Variants in CDH13 observed in about 807,000 individuals in gnomAD.
CDH13 encodes cadherin 13.
CDH13 carries 24 observed loss-of-function variants against 63.8 expected under a neutral mutation model. The ratio of observed to expected loss-of-function variants is 0.38; its 90% CI spans 0.27 to 0.53. The LOEUF (loss-of-function observed/expected upper bound fraction) is 0.53. CDH13 is among the 20% of genes least tolerant of loss of function. CDH13 has a pLI of 0.85. For missense variants in CDH13, 1,049 were observed against 903.1 expected (o/e 1.16, Z -2.07); for synonymous variants, 503 against 355.3 (o/e 1.42, Z -4.67).
intron 5 of CDH13, among the ~76,000 whole-genome samples, chr16:83,332,956 C>T (rs1172709675): frequency 2.0e-5 from 3 of 152,134 alleles, no homozygotes; most frequent in Non-Finnish European, 4.4e-5. Context: ...AAAGGAAATA[C>T]TGTACCTCTA....
chr16:83,297,812 A>T (rs186206347), intron 5 of CDH13, among the ~76,000 whole-genome samples: 85 of 152,308 alleles, frequency 5.6e-4, no homozygotes, highest in African/African-American at 1.9e-3. Flanking sequence ...ATCGAAGGAC[A>T]TTCAAGATAG....
chr16:83,604,056 C>T (rs1034618321), intron 8 of CDH13, among the ~76,000 whole-genome samples: 1 of 152,114 alleles, frequency 6.6e-6, no homozygotes, highest in African/African-American at 2.4e-5. Flanking sequence ...AGTCACCTCC[C>T]ACCAGGCCCC....
At chr16:83,457,365 G>A (rs915309336) in intron 6 of CDH13, among the ~76,000 whole-genome samples, 2 of 152,074 alleles carry the variant, frequency 1.3e-5, no homozygotes, top group African/African-American at 4.8e-5. Context: ...AGGCAGGGTG[G>A]GCACTGAAGG....
Position 83,551,217 on chromosome 16 carries a change from G to C in CDH13, c.961-51237G>C. On this transcript the variant is annotated intron_variant, in intron 7 of 13. Coordinates refer to ENST00000567109, the MANE Select transcript of CDH13 (RefSeq NM_001257.5). ...GTGTCTCAGCCTCCCAAGTAGCTGG[G>C]ATCACAGGTGTACACCACCACACCT... Among the ~76,000 whole-genome samples the C allele has an allele frequency of 1.3e-5, 2 of 152,032 alleles. 1 individual carries two copies. The highest frequency in any genetic ancestry group is 3.9e-4 in the East Asian group (2 of 5,168).
chr16:82,819,919 G>A (rs1226227332), intron 1 of CDH13, among the ~76,000 whole-genome samples: 2 of 152,126 alleles, frequency 1.3e-5, no homozygotes, highest in African/African-American at 2.4e-5. Context: ...GCCGAATGAG[G>A]GCTAGATGGA....
chr16:82,663,575 T>C (rs1912233097), intron 1 of CDH13, among the ~76,000 whole-genome samples: 1 of 152,236 alleles, frequency 6.6e-6, no homozygotes, highest in African/African-American at 2.4e-5. Flanking sequence ...TTGTCCTGTC[T>C]TTGTCAGATT....
At chr16:82,994,611 C>A (rs1912006425) in intron 2 of CDH13, among the ~76,000 whole-genome samples, 1 of 152,176 alleles carries the variant, frequency 6.6e-6, no homozygotes, top group African/African-American at 2.4e-5. Context: ...AATAAATATT[C>A]ACTTATTTTC....
intron 1 of CDH13, among the ~76,000 whole-genome samples, chr16:82,697,423 C>CTTTTTTTTTTTTTTTTTTTTTTTTTTT (rs34376129): frequency 1.8e-5 from 1 of 54,882 alleles, no homozygotes; most frequent in Non-Finnish European, 3.8e-5. Context: ...TTTCTTTTTT[C>CTTTTTTTTTTTTTTTTTTTTTTTTTTT]TTTTTTTTTT....
chr16:83,716,391 A>G (rs1290560347), intron 10 of CDH13, among the ~76,000 whole-genome samples: 2 of 152,206 alleles, frequency 1.3e-5, no homozygotes, highest in Non-Finnish European at 2.9e-5. Context: ...GAGTAGTTTC[A>G]GAACTCTAAA....
At chr16:83,091,667 T>A (rs1423637285) in intron 3 of CDH13, among the ~76,000 whole-genome samples, 1 of 152,228 alleles carries the variant, frequency 6.6e-6, no homozygotes, top group African/African-American at 2.4e-5. Flanking sequence ...TTTATAAACA[T>A]ACCTCATCAG....
chr16:83,738,664 T>G (rs1474348821), intron 10 of CDH13, among the ~76,000 whole-genome samples: 1 of 152,136 alleles, frequency 6.6e-6, no homozygotes, highest in African/African-American at 2.4e-5. Flanking sequence ...TCCCAGCACT[T>G]TGGGAGGCCA....
chr16:83,331,715 T>A (rs139921867), intron 5 of CDH13, among the ~76,000 whole-genome samples: 9 of 152,338 alleles, frequency 5.9e-5, no homozygotes, highest in Middle Eastern at 3.4e-3. Context: ...AATTGCATTA[T>A]GTATACACTA....
chr16:82,842,179 T>C (rs2039064211), intron 1 of CDH13, among the ~76,000 whole-genome samples: 1 of 78,648 alleles, frequency 1.3e-5, no homozygotes, highest in Non-Finnish European at 3.5e-5. Context: ...CACACACATA[T>C]ATATACACAT....
chr16:83,165,601 A>G (rs1597450186), intron 4 of CDH13, among the ~76,000 whole-genome samples: 1 of 152,190 alleles, frequency 6.6e-6, no homozygotes, highest in East Asian at 1.9e-4. Context: ...CAGGGTAGGG[A>G]TGATGAGACC....
chr16:82,646,274 C>A (rs768540630), intron 1 of CDH13: 20 of 152,282 alleles, frequency 1.3e-4, no homozygotes, highest in Non-Finnish European at 2.8e-4. Flanking sequence ...ACTGCAACCT[C>A]CATCTCCAGA....
chr16:83,358,410 C>G (rs1482469395), intron 6 of CDH13, among the ~76,000 whole-genome samples: 1 of 152,162 alleles, frequency 6.6e-6, no homozygotes, highest in Non-Finnish European at 1.5e-5. Flanking sequence ...GCTAGGAAGG[C>G]AGGACAAAAC....
intron 4 of CDH13, among the ~76,000 whole-genome samples, chr16:83,195,450 A>G (rs1300495985): frequency 3.3e-5 from 5 of 152,146 alleles, no homozygotes; most frequent in Non-Finnish European, 7.3e-5. Flanking sequence ...CAAGCATGGC[A>G]GAAGGCAAAG....
At chr16:83,780,326 T>C (rs190859821) in intron 12 of CDH13, 125 bp downstream of exon 12, 1 of 640,342 alleles carries the variant, frequency 1.6e-6, no homozygotes, top group East Asian at 2.8e-5. Context: ...GTTATTGGCA[T>C]ATTATAAATA....
intron 3 of CDH13, among the ~76,000 whole-genome samples, chr16:83,052,309 G>A (rs528283461): frequency 6.6e-6 from 1 of 152,260 alleles, no homozygotes; most frequent in South Asian, 2.1e-4. Flanking sequence ...GCAAGAAGCA[G>A]CACACCATCC....
Sources: allele counts gnomAD v4.1 joint callset (sites outside exome capture counted in the v4.1 genomes callset), GRCh38; gene constraint gnomAD v4.1.1; transcripts MANE v1.5; gene names NCBI Gene and HGNC (gene_info 2026-07-23, HGNC 2026-07-21).